THSD7A: variants seen among roughly 807,000 people sequenced by gnomAD.
THSD7A encodes the protein thrombospondin type 1 domain containing 7A.
A neutral mutation model predicts 231.3 loss-of-function variants in THSD7A; 96 were observed. The observed-to-expected ratio is 0.41, with a 90% CI of 0.35 to 0.49. The LOEUF (loss-of-function observed/expected upper bound fraction) is 0.49, where lower values mean the gene tolerates loss of function less well. Among genes scored for constraint, THSD7A ranks in the 20% least tolerant of loss-of-function variants. The probability of loss-of-function intolerance (pLI) is 0.05; values close to 1 mark genes in which losing one functional copy is unlikely to be tolerated. For missense variants in THSD7A, 2,290 were observed against 2,070.2 expected (o/e 1.11, Z -2.06); for synonymous variants, 940 against 743.3 (o/e 1.26, Z -4.30).
At chr7:11,592,917 A>C (rs1251522887) in intron 3 of THSD7A, among the ~76,000 whole-genome samples, 1 of 152,098 alleles carries the variant, frequency 6.6e-6, no homozygotes, top group Non-Finnish European at 1.5e-5. Context: ...TTGTTTACAT[A>C]TTACCTCTAG....
chr7:11,727,665 A>G (rs1781594194), intron 1 of THSD7A, among the ~76,000 whole-genome samples: 1 of 152,004 alleles, frequency 6.6e-6, no homozygotes, highest in African/African-American at 2.4e-5. Flanking sequence ...GTTCAAGAAA[A>G]TATACTTAAA....
At chr7:11,510,710 G>A (rs564800982) in intron 6 of THSD7A, among the ~76,000 whole-genome samples, 39 of 152,118 alleles carry the variant, frequency 2.6e-4, no homozygotes, top group African/African-American at 9.4e-4. Context: ...AAAGGCCTTC[G>A]ACAAAATTCA....
intron 2 of THSD7A, among the ~76,000 whole-genome samples, chr7:11,628,982 A>G (rs1781563505): frequency 6.6e-6 from 1 of 152,202 alleles, no homozygotes; most frequent in African/African-American, 2.4e-5. Context: ...TTATTACCCT[A>G]TGGCGATAAA....
rs535653709 is a variant in THSD7A at position 11,525,663 on chromosome 7, C to G, written c.1822+15756G>C. On this transcript the variant is annotated intron_variant, in intron 6 of 27. Coordinates refer to ENST00000423059, the MANE Select transcript of THSD7A (RefSeq NM_015204.3). ...TATAATGCTTGGGTATAAATTTTCCCAATAATTATAAAAGATATTCTTACC... is the reference window on the plus strand; with the variant it reads ...TATAATGCTTGGGTATAAATTTTCCGAATAATTATAAAAGATATTCTTACC... Among the ~76,000 whole-genome samples, 6 of 152,000 alleles carry G rather than the reference C, an allele frequency of 3.9e-5. No homozygotes were observed. The East Asian group carries it at 1.2e-3, about 29-fold the overall frequency.
Position 11,624,177 on chromosome 7 carries a change from G to T in THSD7A, c.1022+11953C>A, listed in dbSNP as rs118007410. ...CCTGTATTGTCTATGTGGTCTCAAT[G>T]CCTCCATTGCTGCTACTTTGATCCA... On this transcript the variant is annotated intron_variant, in intron 2 of 27. Coordinates refer to ENST00000423059, the MANE Select transcript of THSD7A (RefSeq NM_015204.3). 9.6e-3 allele frequency among the ~76,000 whole-genome samples: 1,464 copies of T among 152,114 alleles called. 12 individuals are homozygous for T. Among genetic ancestry groups the T allele is most frequent in the Non-Finnish European group, 0.015 (1,051 of 67,976 alleles).
intron 4 of THSD7A, among the ~76,000 whole-genome samples, chr7:11,566,615 T>G (rs1562725252): frequency 6.6e-6 from 1 of 152,282 alleles, no homozygotes; most frequent in South Asian, 2.1e-4. Flanking sequence ...AACAATTGCT[T>G]GCTATTATTG....
rs569857799 is a variant in THSD7A, at chr7:11,653,998, C to T, written c.191-17037G>A. 4.6e-5 allele frequency among the ~76,000 whole-genome samples: 7 copies of T among 151,922 alleles called. No homozygotes were observed. The South Asian group carries it at 1.5e-3, about 32-fold the overall frequency. Reference sequence around the variant, plus strand: ...AGTTAGATTGTCTTCTATGTTCTTACTAAATCACTGAACATTGAGGAGAAG... The same window carrying T: ...AGTTAGATTGTCTTCTATGTTCTTATTAAATCACTGAACATTGAGGAGAAG... On this transcript the variant is annotated intron_variant, in intron 1 of 27. Transcript: ENST00000423059.
At chr7:11,830,600 T>C (rs1785165480) in intron 1 of THSD7A, among the ~76,000 whole-genome samples, 1 of 152,214 alleles carries the variant, frequency 6.6e-6, no homozygotes, top group African/African-American at 2.4e-5. Context: ...TAAGACAAAT[T>C]GTGTACTTTG....
intron 4 of THSD7A, among the ~76,000 whole-genome samples, chr7:11,543,758 C>A (rs909271695): frequency 1.3e-5 from 2 of 152,204 alleles, no homozygotes; most frequent in Admixed American, 6.5e-5. Flanking sequence ...TAATTATCTA[C>A]ATTTGTTCAT....
In THSD7A at chr7:11,406,149, C is replaced by G. The variant is rs972951592; in HGVS notation, c.4237+151G>C. 7 of 768,872 alleles carry G rather than the reference C, an allele frequency of 9.1e-6. No individual in the cohort carries two copies. Among genetic ancestry groups the G allele is most frequent in the Non-Finnish European group, 1.4e-5 (7 of 517,120 alleles). 47.6% of individuals were successfully genotyped at this position (768,872 alleles called of 1,614,324 possible). ...GCAGTAATGAGACAGCGTCCCGTTC[C>G]CCACAGGCATAGTGTTGAGCTGTTG... On this transcript the variant is annotated intron_variant, in intron 22 of 27. Coordinates refer to ENST00000423059, the MANE Select transcript of THSD7A (RefSeq NM_015204.3). The surrounding 1 kb of genome is among the most constrained non-coding windows in gnomAD (Gnocchi z 4.7).
chr7:11,803,091 T>C (rs969581928), intron 1 of THSD7A, among the ~76,000 whole-genome samples: 1 of 152,134 alleles, frequency 6.6e-6, no homozygotes, highest in African/African-American at 2.4e-5. Context: ...GGACAGTAAA[T>C]GTTTTCCTGA....
In THSD7A at chr7:11,668,991, T is replaced by C. The variant is rs140916575; in HGVS notation, c.191-32030A>G. Among the ~76,000 whole-genome samples, 237 of 152,284 alleles carry C rather than the reference T, an allele frequency of 1.6e-3. 3 individuals carry two copies. Among genetic ancestry groups the C allele is most frequent in the Non-Finnish European group, 4.9e-4 (33 of 68,022 alleles). On this transcript the variant is annotated intron_variant, in intron 1 of 27. Transcript: ENST00000423059. ...TCTAGTCGAGTGTGCTGTTGGCTAT[T>C]ACATGGTATGGCTCTCAGCATTTTT...
In THSD7A at chr7:11,462,158, T is replaced by G. The variant is rs1298529928; in HGVS notation, c.2369-15A>C. ...ACTGGAGTCCCCTGCAATGAAGCAG[T>G]TTTTTAACCTCTGTACTTTACACTG... On this transcript the variant is annotated splice_polypyrimidine_tract_variant and intron_variant, in intron 9 of 27. Coordinates refer to ENST00000423059, the MANE Select transcript of THSD7A (RefSeq NM_015204.3). 6.2e-7 allele frequency: 1 copy of G among 1,613,120 alleles called. No homozygotes were observed. The highest frequency in any genetic ancestry group is 1.1e-5 in the South Asian group (1 of 91,028).
chr7:11,396,922 G>C lies in THSD7A; in HGVS notation c.4411+4873C>G, dbSNP rs1783208764. Among the ~76,000 whole-genome samples the C allele has an allele frequency of 3.3e-5, 5 of 152,272 alleles. No homozygotes were observed. The South Asian group carries it at 8.3e-4, about 25-fold the overall frequency. ...ATCGAATCCAGCAGCACATCAAAAA[G>C]CTTATCCACCATGATCAAGTCGGCT... On this transcript the variant is annotated intron_variant, in intron 23 of 27. Coordinates refer to ENST00000423059, the MANE Select transcript of THSD7A (RefSeq NM_015204.3).
chr7:11,604,105 T>C (rs950792207), intron 2 of THSD7A, among the ~76,000 whole-genome samples: 7 of 152,142 alleles, frequency 4.6e-5, no homozygotes, highest in Non-Finnish European at 8.8e-5. Context: ...ATATTAGTGC[T>C]TACTATGTGC....
At chr7:11,793,659 G>C (rs55668447) in intron 1 of THSD7A, among the ~76,000 whole-genome samples, 3 of 151,428 alleles carry the variant, frequency 2.0e-5, no homozygotes, top group African/African-American at 7.3e-5. Context: ...GAAATAAGAA[G>C]ATACTTTTTA....
intron 1 of THSD7A, among the ~76,000 whole-genome samples, chr7:11,653,448 A>ATGTGTGTGTG (rs60933989): frequency 0.011 from 1,356 of 127,114 alleles, 18 homozygotes; most frequent in Admixed American, 0.013. Context: ...ACTCCCAGAT[A>ATGTGTGTGTG]TGTGTGTGTG....
chr7:11,724,839 T>C (rs554724777), intron 1 of THSD7A, among the ~76,000 whole-genome samples: 17 of 152,040 alleles, frequency 1.1e-4, no homozygotes, highest in East Asian at 5.9e-4. Flanking sequence ...ATGGATGAAA[T>C]GCCTGCTGTG....
chr7:11,554,386 T>C (rs1283015558), intron 4 of THSD7A, among the ~76,000 whole-genome samples: 1 of 152,046 alleles, frequency 6.6e-6, no homozygotes, highest in Non-Finnish European at 1.5e-5. Flanking sequence ...AGACCATTTG[T>C]TCCAGTGTTA....
Sources: allele counts gnomAD v4.1 joint callset (sites outside exome capture counted in the v4.1 genomes callset), GRCh38; gene constraint gnomAD v4.1.1; non-coding constraint Gnocchi (gnomAD v3.1); transcripts MANE v1.5; gene names NCBI Gene and HGNC (gene_info 2026-07-23, HGNC 2026-07-21).